Variants in PPP2R5D observed in about 807,000 individuals in gnomAD.
The protein encoded by PPP2R5D is protein phosphatase 2 regulatory subunit B'delta.
Under a neutral mutation model 79.1 loss-of-function variants are expected in PPP2R5D, and 12 were observed. The ratio of observed to expected loss-of-function variants is 0.15; its 90% CI spans 0.10 to 0.25. The LOEUF (loss-of-function observed/expected upper bound fraction) is 0.25, where lower values mean the gene tolerates loss of function less well. Among genes scored for constraint, PPP2R5D ranks in the 10% least tolerant of loss-of-function variants. PPP2R5D has a pLI of 1.00. For synonymous variants in PPP2R5D, 277 were observed against 286.6 expected (o/e 0.97, Z 0.34); for missense variants, 419 against 760.2 (o/e 0.55, Z 5.28).
At position 43,008,346 on chromosome 6, in the gene PPP2R5D, C is replaced by T; in HGVS notation, c.918-21C>T. On this transcript the variant is annotated intron_variant, in intron 8 of 15. Coordinates refer to ENST00000485511, the MANE Select transcript of PPP2R5D (RefSeq NM_006245.4). The surrounding 1 kb of genome is among the most constrained non-coding windows in gnomAD (Gnocchi z 4.2). ...CTTGGATCTGACCCTCTGGTCCTAA[C>T]AAATGTCCCTTAATTCCTAGCATCA... is the stretch of plus-strand genomic sequence containing the variant. 6.2e-7 allele frequency: 1 copy of T among 1,613,230 alleles called. No homozygotes were observed.
chr6:43,007,567 T>A lies in PPP2R5D; in HGVS notation c.726+61T>A. ...CCATTCCATGCCCCCTTCATCTGTG[T>A]CCCAGTGGCTCTTTCCCCTTAAGCT... On this transcript the variant is annotated intron_variant, in intron 6 of 15. Transcript: ENST00000485511. This position sits in a 1 kb window ranked among gnomAD's most constrained non-coding sequence, Gnocchi z 4.5. The A allele has an allele frequency of 2.1e-6, 3 of 1,429,534 alleles. No homozygotes were observed. The highest frequency in any genetic ancestry group is 3.0e-6 in the Non-Finnish European group (3 of 1,013,160). The allele number at this position is 1,429,534 out of a possible 1,614,324, so 88.6% of individuals were successfully genotyped here. A position where few individuals can be genotyped will look rare whatever the true frequency, so the allele number is the denominator to read the frequency against.
rs372455128 is a variant in PPP2R5D, at chr6:42,988,725, CTCCAGGATAGCCCTGT to C, written c.28-885_28-870del. ...CTGATGCTCATGACTGAACCAGATC[CTCCAGGATAGCCCTGT>C]CAGTGCCAAGCAGTCTGCACAGGTC... On this transcript the variant is annotated intron_variant, in intron 1 of 15. Transcript: ENST00000485511. 9.9e-3 allele frequency among the ~76,000 whole-genome samples: 1,502 copies of C among 152,336 alleles called. 28 individuals carry two copies. Among genetic ancestry groups the C allele is most frequent in the African/African-American group, 0.034 (1,396 of 41,562 alleles).
rs1223617679 is a variant in PPP2R5D at position 42,990,620 on chromosome 6, T to C, written c.105+932T>C. ...TTAAGTAATGAGAAGCTGAGTAGGT[T>C]TTCCCCATTTTATAGGCATGGAAGT... On this transcript the variant is annotated intron_variant, in intron 2 of 15. Transcript: ENST00000485511. Among the ~76,000 whole-genome samples the C allele has an allele frequency of 2.0e-5, 3 of 152,058 alleles. No homozygotes were observed. The East Asian group carries it at 5.8e-4, about 29-fold the overall frequency.
intron 1 of PPP2R5D, 59 bp downstream of exon 1, chr6:42,984,763 G>C: frequency 1.9e-6 from 3 of 1,607,658 alleles, no homozygotes; most frequent in Non-Finnish European, 2.5e-6. Flanking sequence ...GCTCTGGGAG[G>C]GGCCGGAGCC....
At chr6:42,994,992 A>G (rs1409103083) in intron 2 of PPP2R5D, among the ~76,000 whole-genome samples, 1 of 151,948 alleles carries the variant, frequency 6.6e-6, no homozygotes, top group African/African-American at 2.4e-5. Context: ...TCTACTTAAA[A>G]ACCATTTTTG....
In PPP2R5D at chr6:43,009,977, G is replaced by A. The variant is rs1762270739; in HGVS notation, c.1380-491G>A. 6.6e-6 allele frequency among the ~76,000 whole-genome samples: 1 copy of A among 152,156 alleles called. No homozygotes were observed. The highest frequency in any genetic ancestry group is 2.4e-5 in the African/African-American group (1 of 41,442). ...CCAGCTACTTGGGAGGCTGAGGCAGGAGAATCACTTGAACCTGGGAGGTGA... is the reference window on the plus strand; with the variant it reads ...CCAGCTACTTGGGAGGCTGAGGCAGAAGAATCACTTGAACCTGGGAGGTGA... On this transcript the variant is annotated intron_variant, in intron 12 of 15. Coordinates refer to ENST00000485511, the MANE Select transcript of PPP2R5D (RefSeq NM_006245.4). This position sits in a 1 kb window ranked among gnomAD's most constrained non-coding sequence, Gnocchi z 5.6.
chr6:43,008,186 T>C lies in PPP2R5D; in HGVS notation c.858-15T>C. 6.2e-7 allele frequency: 1 copy of C among 1,614,038 alleles called. No individual in the cohort carries two copies. The highest frequency in any genetic ancestry group is 8.5e-7 in the Non-Finnish European group (1 of 1,179,990). ...ACATCAGGGGTTGTCAAGAGAGCCA[T>C]TTTTCTTCCCTCAGGTTCATCTACG... On this transcript the variant is annotated splice_polypyrimidine_tract_variant and intron_variant, in intron 7 of 15. Transcript: ENST00000485511. This position sits in a 1 kb window ranked among gnomAD's most constrained non-coding sequence, Gnocchi z 4.2.
In PPP2R5D at chr6:43,011,218, A is replaced by G. The variant is rs1561853368; in HGVS notation, c.1741A>G (p.Thr581Ala). 6.2e-7 allele frequency: 1 copy of G among 1,614,014 alleles called. No homozygotes were observed. The highest frequency in any genetic ancestry group is 8.5e-7 in the Non-Finnish European group (1 of 1,180,020). Reference sequence around the variant, plus strand: ...GTCGGAGCTGCCCCAGGACGTGTACACCATCAAGGCACTGGAGGCGCACAA... The same window carrying G: ...GTCGGAGCTGCCCCAGGACGTGTACGCCATCAAGGCACTGGAGGCGCACAA... Reference protein sequence around the residue: ...RKSELPQDVYTIKALEAHKRA... With the variant: ...RKSELPQDVYAIKALEAHKRA... The change falls in exon 16 of 16, where the codon ACC (threonine) becomes GCC (alanine). Residue 581 changes from threonine to alanine, a missense_variant. Thr to Ala is a moderately conservative substitution (Grantham distance 58). Around this residue, in one of 5 missense-constraint regions of PPP2R5D, gnomAD observed 84 missense variants for 105.4 expected, o/e 0.80. Transcript: ENST00000485511.
At position 42,984,606 on chromosome 6, in the gene PPP2R5D, G is replaced by A; in HGVS notation, c.-72G>A. On this transcript the variant is annotated 5_prime_UTR_variant, in exon 1 of 16. Coordinates refer to ENST00000485511, the MANE Select transcript of PPP2R5D (RefSeq NM_006245.4). The stretch of plus-strand genomic sequence containing the variant: ...GCGGTGGCGAAGAGACGCCGAGCGG[G>A]CCGAGTGCGGCCGAGCAAAGCCGGA... 1 of 1,532,752 alleles carries A rather than the reference G, an allele frequency of 6.5e-7. No homozygotes were observed. The allele number at this position is 1,532,752 out of a possible 1,614,324, so 94.9% of individuals were successfully genotyped here.
At chr6:42,996,300 T>G (rs1771682610) in intron 2 of PPP2R5D, among the ~76,000 whole-genome samples, 1 of 150,116 alleles carries the variant, frequency 6.7e-6, no homozygotes, top group South Asian at 2.1e-4. Context: ...CCGTCTCTAC[T>G]AAAAAATACA....
chr6:42,994,857 C>T lies in PPP2R5D; in HGVS notation c.105+5169C>T, dbSNP rs189119823. On this transcript the variant is annotated intron_variant, in intron 2 of 15. Transcript: ENST00000485511. The stretch of plus-strand genomic sequence containing the variant: ...AAAATTAATGTCATAGACTCCTCTA[C>T]GTGCTGAGCCCTGTCCTGAGTCTGG... Among the ~76,000 whole-genome samples, 12 of 151,824 alleles carry T rather than the reference C, an allele frequency of 7.9e-5. No individual in the cohort carries two copies. The East Asian group carries it at 1.7e-3, about 22-fold the overall frequency.
At position 43,007,667 on chromosome 6, in the gene PPP2R5D, A is replaced by G. The variant is rs183742467; in HGVS notation, c.726+161A>G. 1.1e-3 allele frequency among the ~76,000 whole-genome samples: 175 copies of G among 152,194 alleles called. 2 individuals carry two copies. The highest frequency in any genetic ancestry group is 5.7e-4 in the Non-Finnish European group (39 of 68,018). ...AAAAAACAAAACAAAACAAAACCCTACTCTGGCCTTAAGAAACTAACAACA... is the reference window on the plus strand; with the variant it reads ...AAAAAACAAAACAAAACAAAACCCTGCTCTGGCCTTAAGAAACTAACAACA... On this transcript the variant is annotated intron_variant, in intron 6 of 15. Coordinates refer to ENST00000485511, the MANE Select transcript of PPP2R5D (RefSeq NM_006245.4). The surrounding 1 kb of genome is among the most constrained non-coding windows in gnomAD (Gnocchi z 4.5).
intron 2 of PPP2R5D, among the ~76,000 whole-genome samples, chr6:42,998,049 ATATATATAT>A (rs1771897088): frequency 5.2e-5 from 1 of 19,378 alleles, no homozygotes; most frequent in African/African-American, 1.9e-4. Context: ...ATATATATAT[ATATATATAT>A]TTTTTTTTTT....
intron 2 of PPP2R5D, among the ~76,000 whole-genome samples, chr6:42,995,667 C>G (rs1027754750): frequency 2.0e-5 from 3 of 151,700 alleles, no homozygotes; most frequent in Non-Finnish European, 4.4e-5. Context: ...ATTCTCCTGC[C>G]TCAGTCTCCC....
rs571099901 is a variant in PPP2R5D, at chr6:42,995,401, G to A, written c.105+5713G>A. Reference sequence around the variant, plus strand: ...TCCTGCCTTGGCCTCTGAAAGTGCTGGGATTACAGGTGTGAGCCACTGTGC... The same window carrying A: ...TCCTGCCTTGGCCTCTGAAAGTGCTAGGATTACAGGTGTGAGCCACTGTGC... On this transcript the variant is annotated intron_variant, in intron 2 of 15. Transcript: ENST00000485511. 3.0e-4 allele frequency among the ~76,000 whole-genome samples: 45 copies of A among 152,124 alleles called. 1 individual carries two copies. The highest frequency in any genetic ancestry group is 1.0e-3 in the African/African-American group (43 of 41,502).
Position 43,011,355 on chromosome 6 carries a change from C to A in PPP2R5D, c.*69C>A. On this transcript the variant is annotated 3_prime_UTR_variant, in exon 16 of 16. Transcript: ENST00000485511. The stretch of plus-strand genomic sequence containing the variant: ...GGACACTGCCCTGGCCCTCCATACT[C>A]TGCTCCCTACTGGCTGTCTTGGGGG... 6.3e-7 allele frequency: 1 copy of A among 1,588,526 alleles called. No individual in the cohort carries two copies. Among genetic ancestry groups the A allele is most frequent in the South Asian group, 1.1e-5 (1 of 88,910 alleles).
chr6:43,010,852 T>C lies in PPP2R5D; in HGVS notation c.1555-29T>C, dbSNP rs1169249816. The C allele has an allele frequency of 6.2e-7, 1 of 1,607,226 alleles. No individual in the cohort carries two copies. The highest frequency in any genetic ancestry group is 8.5e-7 in the Non-Finnish European group (1 of 1,174,354). On this transcript the variant is annotated intron_variant, in intron 14 of 15. Coordinates refer to ENST00000485511, the MANE Select transcript of PPP2R5D (RefSeq NM_006245.4). The surrounding 1 kb of genome is among the most constrained non-coding windows in gnomAD (Gnocchi z 4.7). ...GGCCCCCAAGCCTCTGAAGTGGCTC[T>C]TAACGCTTGTCCATGTCTCCTCACT...
Position 43,009,505 on chromosome 6 carries a change from G to T in PPP2R5D, c.1379+56G>T. 1 of 1,609,602 alleles carries T rather than the reference G, an allele frequency of 6.2e-7. No homozygotes were observed. The highest frequency in any genetic ancestry group is 8.5e-7 in the Non-Finnish European group (1 of 1,177,572). On this transcript the variant is annotated intron_variant, in intron 12 of 15. Transcript: ENST00000485511. This position sits in a 1 kb window ranked among gnomAD's most constrained non-coding sequence, Gnocchi z 5.6. The stretch of plus-strand genomic sequence containing the variant: ...GGATCCAGTTTGGGAAACTTTGAGG[G>T]TATGGAAGAACTAAAGAGCCAGGGG...
chr6:42,998,042 T>TATATATATATAC, intron 2 of PPP2R5D, among the ~76,000 whole-genome samples: 2 of 27,496 alleles, frequency 7.3e-5, no homozygotes, highest in African/African-American at 2.1e-4. Context: ...TATATATATA[T>TATATATATATAC]ATATATATAT....
Sources: gnomAD v4.1 joint callset for allele counts (sites outside exome capture counted in the v4.1 genomes callset) on GRCh38, gnomAD v4.1.1 for gene constraint, gnomAD v4.1.1 regional missense constraint, Gnocchi (gnomAD v3.1) non-coding constraint, MANE v1.5 for transcripts, NCBI Gene and HGNC (gene_info 2026-07-23, HGNC 2026-07-21) for gene names.